Variants in BST1 observed in about 807,000 individuals in gnomAD.
BST1 encodes the protein ADP-ribosyl cyclase/cyclic ADP-ribose hydrolase 2.
In BST1, 49 loss-of-function variants were observed where a neutral mutation model predicts 40.6. That is an observed-to-expected ratio of 1.21 (90% CI 0.96 to 1.53). BST1 has a LOEUF of 1.53. BST1 is among the 40% of genes most tolerant of loss of function. The pLI, the probability that BST1 is intolerant of heterozygous loss-of-function variation, is 0.00. For synonymous variants in BST1, 157 were observed against 159.3 expected (o/e 0.99, Z 0.11); for missense variants, 423 against 395.9 (o/e 1.07, Z -0.58).
intron 3 of BST1, among the ~76,000 whole-genome samples, chr4:15,711,453 A>G (rs1260701363): frequency 6.6e-6 from 1 of 152,236 alleles, no homozygotes; most frequent in East Asian, 1.9e-4. Context: ...CCAATAAAGC[A>G]AAGGTTTTTG....
chr4:15,703,770 A>G (rs923572833), intron 1 of BST1, among the ~76,000 whole-genome samples: 38 of 81,174 alleles, frequency 4.7e-4, no homozygotes, highest in African/African-American at 8.2e-4. Context: ...GTGTGTTCTA[A>G]AGGTGAGATG....
At chr4:15,713,759 A>G (rs1167950196) in intron 4 of BST1, among the ~76,000 whole-genome samples, 1 of 151,610 alleles carries the variant, frequency 6.6e-6, no homozygotes, top group Non-Finnish European at 1.5e-5. Flanking sequence ...ACTGGAGTGC[A>G]GTGGTACATT....
chr4:15,736,154 A>G (rs989145662), downstream of BST1: 4 of 1,280,246 alleles, frequency 3.1e-6, no homozygotes, highest in African/African-American at 6.1e-5. Context: ...TTTCAAACAT[A>G]TCATTGCCTC....
In BST1 at chr4:15,732,042, T is replaced by A; in HGVS notation, c.*197T>A. On this transcript the variant is annotated 3_prime_UTR_variant, in exon 9 of 9. Coordinates refer to ENST00000265016, the MANE Select transcript of BST1 (RefSeq NM_004334.3). ...AAGAAGTTAGTTCTATTTAGCAGGT[T>A]AAAAAATGCTGCATTAGAATTAAAG... 7.8e-7 allele frequency: 1 copy of A among 1,276,924 alleles called. No homozygotes were observed. The highest frequency in any genetic ancestry group is 9.9e-7 in the Non-Finnish European group (1 of 1,012,034). The allele number at this position is 1,276,924 out of a possible 1,614,324, so 79.1% of individuals were successfully genotyped here.
exon 7 of BST1, chr4:15,737,932 C>T (rs908628409): frequency 3.3e-6 from 2 of 607,248 alleles, no homozygotes; most frequent in African/African-American, 3.9e-5. Context: ...TAGTCCAGCT[C>T]CGTCCACATG....
At chr4:15,754,310 T>C in the BST1 span, among the ~76,000 whole-genome samples, 1 of 152,162 alleles carries the variant, frequency 6.6e-6, no homozygotes, top group Non-Finnish European at 1.5e-5. Flanking sequence ...TGAGGATTAG[T>C]GTGACCCCAT....
At chr4:15,747,281 A>C in the BST1 span, among the ~76,000 whole-genome samples, 1 of 152,180 alleles carries the variant, frequency 6.6e-6, no homozygotes, top group African/African-American at 2.4e-5. Flanking sequence ...CATGGGATAT[A>C]TTAACCACAG....
intron 8 of BST1, chr4:15,730,948 T>C: frequency 2.7e-6 from 1 of 366,258 alleles, no homozygotes; most frequent in Non-Finnish European, 4.6e-6. Flanking sequence ...CAGTAGAATT[T>C]ATTCAAATGT....
chr4:15,765,108 G>C, the BST1 span, among the ~76,000 whole-genome samples: 2 of 151,888 alleles, frequency 1.3e-5, no homozygotes, highest in African/African-American at 4.9e-5. Context: ...AACCTTTGTG[G>C]AGCATGGCAC....
chr4:15,731,826 C>T lies in BST1; in HGVS notation c.938C>T (p.Ala313Val), dbSNP rs1201308848. The change falls in exon 9 of 9, where the codon GCT becomes GTT. Residue 313 changes from alanine (A) to valine (V), a missense_variant. Coordinates refer to ENST00000265016, the MANE Select transcript of BST1 (RefSeq NM_004334.3). ...ATCATTCCCCTCTTTCTGGTGCTGG[C>T]TTCCAGGACTCAACTGTAACTGGAA... Reference protein sequence around the residue: ...GLIIPLFLVLASRTQL With the variant: ...GLIIPLFLVLVSRTQL The T allele has an allele frequency of 4.3e-6, 7 of 1,613,312 alleles. No homozygotes were observed. The East Asian group carries it at 1.1e-4, about 26-fold the overall frequency.
downstream of BST1, among the ~76,000 whole-genome samples, chr4:15,740,978 C>T (rs959342008): frequency 2.0e-5 from 3 of 151,906 alleles, no homozygotes; most frequent in African/African-American, 7.3e-5. Flanking sequence ...CGTCATGAAC[C>T]GCAGAGTTGA....
At chr4:15,768,504 T>G in the BST1 span, among the ~76,000 whole-genome samples, 19 of 122,584 alleles carry the variant, frequency 1.5e-4, no homozygotes, top group East Asian at 5.0e-3. Context: ...TTTTTTTTTT[T>G]GAGACGGAGT....
the BST1 span, among the ~76,000 whole-genome samples, chr4:15,767,376 T>C: frequency 6.6e-6 from 1 of 151,992 alleles, no homozygotes; most frequent in African/African-American, 2.4e-5. Context: ...TGATCTCAGC[T>C]CACTGCAAAC....
intron 8 of BST1, 22 bp from the exon 9 acceptor site, chr4:15,731,718 C>G (rs1384181682): frequency 6.2e-7 from 1 of 1,602,470 alleles, no homozygotes; most frequent in Non-Finnish European, 8.5e-7. Context: ...GACACTTTCT[C>G]TATTTCCTTG....
chr4:15,703,312 A>G lies in BST1; in HGVS notation c.168A>G (p.Ala56=). ...TGGGCCGCTGCGCCGAGTACCGCGC[A>G]CTGCTGAGTCCCGAGCAGCGGTGAG... ...IFLGRCAEYR[A]LLSPEQRNKN... Residue 56 remains alanine (A), a synonymous_variant, in exon 1 of 9, where the codon GCA becomes GCG. Coordinates refer to ENST00000265016, the MANE Select transcript of BST1 (RefSeq NM_004334.3). 3 of 1,524,976 alleles carry G rather than the reference A, an allele frequency of 2.0e-6. No homozygotes were observed. The highest frequency in any genetic ancestry group is 1.2e-5 in the South Asian group (1 of 83,566). 94.5% of individuals were successfully genotyped at this position (1,524,976 alleles called of 1,614,324 possible).
At chr4:15,726,338 A>G (rs1156610679) in intron 8 of BST1, among the ~76,000 whole-genome samples, 1 of 149,472 alleles carries the variant, frequency 6.7e-6, no homozygotes, top group Admixed American at 6.7e-5. Flanking sequence ...GAATGAATGG[A>G]TGAATAGATG....
At chr4:15,727,829 T>G (rs1021581247) in intron 8 of BST1, among the ~76,000 whole-genome samples, 1 of 151,978 alleles carries the variant, frequency 6.6e-6, no homozygotes, top group East Asian at 1.9e-4. Flanking sequence ...GAGCATTCTT[T>G]ATAATACTGA....
intron 3 of BST1, 42 bp from the exon 4 acceptor site, chr4:15,711,765 A>T (rs773483682): frequency 6.9e-7 from 1 of 1,453,234 alleles, no homozygotes; most frequent in East Asian, 2.3e-5. Context: ...TCTGAGATAG[A>T]TAATCTTTGG....
At chr4:15,769,466 C>A in the BST1 span, among the ~76,000 whole-genome samples, 1 of 152,142 alleles carries the variant, frequency 6.6e-6, no homozygotes, top group African/African-American at 2.4e-5. Context: ...AAATTGGCTG[C>A]TTTTTGCTTG....
Sources: gnomAD v4.1 joint callset for allele counts (sites outside exome capture counted in the v4.1 genomes callset) on GRCh38, gnomAD v4.1.1 for gene constraint, MANE v1.5 for transcripts, NCBI Gene and HGNC (gene_info 2026-07-23, HGNC 2026-07-21) for gene names.